The following ZNF146 variants were observed in gnomAD, a reference collection of about 807,000 sequenced individuals.
ZNF146 encodes zinc finger protein OZF.
Under a neutral mutation model 22.2 loss-of-function variants are expected in ZNF146, and 9 were observed. That is an observed-to-expected ratio of 0.41 (90% confidence interval 0.24 to 0.71). ZNF146 has a LOEUF of 0.71. Ranked by LOEUF, ZNF146 falls within the 30% of genes least tolerant of loss-of-function variation. The pLI is 0.34. For synonymous variants in ZNF146, 108 were observed against 119.2 expected (o/e 0.91, Z 0.61); for missense variants, 194 against 344.8 (o/e 0.56, Z 3.46).
intron 1 of ZNF146, 45 bp from the exon 2 acceptor site, chr19:36,218,077 T>C (rs1055856781): frequency 2.1e-5 from 3 of 143,528 alleles, no homozygotes; most frequent in Non-Finnish European, 3.0e-5. Flanking sequence ...AGTACTGGGA[T>C]TACAGGCATG....
intron 3 of ZNF146, among the ~76,000 whole-genome samples, chr19:36,234,658 A>G (rs1163895246): frequency 1.3e-5 from 2 of 152,128 alleles, no homozygotes; most frequent in East Asian, 1.9e-4. Context: ...CGGCCTCCCA[A>G]CGTGCTGGGA....
At chr19:36,232,988 T>G (rs1318701616) in intron 3 of ZNF146, among the ~76,000 whole-genome samples, 5 of 152,238 alleles carry the variant, frequency 3.3e-5, no homozygotes, top group Non-Finnish European at 7.3e-5. Flanking sequence ...TAATTAATAT[T>G]TTGCCACGCT....
At chr19:36,231,269 G>C (rs1977355674) in intron 3 of ZNF146, among the ~76,000 whole-genome samples, 1 of 152,044 alleles carries the variant, frequency 6.6e-6, no homozygotes, top group Non-Finnish European at 1.5e-5. Flanking sequence ...GAGTGCGGTG[G>C]TGCCATCGTG....
intron 2 of ZNF146, among the ~76,000 whole-genome samples, chr19:36,223,389 G>A (rs944129739): frequency 2.6e-5 from 4 of 151,706 alleles, no homozygotes; most frequent in Non-Finnish European, 4.4e-5. Context: ...TTGAGATGGA[G>A]TATCTCTCCG....
At chr19:36,231,102 C>T (rs765636324) in intron 3 of ZNF146, among the ~76,000 whole-genome samples, 11 of 152,120 alleles carry the variant, frequency 7.2e-5, no homozygotes, top group Non-Finnish European at 1.5e-4. Context: ...CACGCGTAAA[C>T]GTGACCACAA....
In ZNF146 at chr19:36,236,264, G is replaced by A. The variant is rs571442292; in HGVS notation, c.-177G>A. The A allele has an allele frequency of 1.4e-6, 1 of 730,584 alleles. No homozygotes were observed. The highest frequency in any genetic ancestry group is 2.3e-5 in the South Asian group (1 of 43,866). 45.3% of individuals were successfully genotyped at this position (730,584 alleles called of 1,614,324 possible). Reference sequence around the variant, plus strand: ...AGAGAGAAAGCATTGAATATACTGAGTATGATAACATTTCCTCTCAAACCT... The same window carrying A: ...AGAGAGAAAGCATTGAATATACTGAATATGATAACATTTCCTCTCAAACCT... On this transcript the variant is annotated 5_prime_UTR_variant, in exon 4 of 4. Coordinates refer to ENST00000443387, the MANE Select transcript of ZNF146 (RefSeq NM_007145.3).
At chr19:36,234,683 C>T (rs938057850) in intron 3 of ZNF146, among the ~76,000 whole-genome samples, 5 of 152,210 alleles carry the variant, frequency 3.3e-5, no homozygotes, top group African/African-American at 1.2e-4. Context: ...AGGCGTGAGC[C>T]ACTGCGCCCG....
chr19:36,238,295 G>T lies in ZNF146; in HGVS notation c.*976G>T, dbSNP rs1372142404. ...TCATAAAACTCAGTACTATCTATTG[G>T]TAATGGATGCATATATGTATGTACA... On this transcript the variant is annotated 3_prime_UTR_variant, in exon 4 of 4. Coordinates refer to ENST00000443387, the MANE Select transcript of ZNF146 (RefSeq NM_007145.3). 2 of 167,038 alleles carry T rather than the reference G, an allele frequency of 1.2e-5. No individual in the cohort carries two copies. The highest frequency in any genetic ancestry group is 1.3e-4 in the Admixed American group (2 of 15,266). 10.3% of individuals were successfully genotyped at this position (167,038 alleles called of 1,614,324 possible).
intron 3 of ZNF146, among the ~76,000 whole-genome samples, chr19:36,231,853 C>T (rs1321191350): frequency 6.6e-6 from 1 of 151,794 alleles, no homozygotes. Flanking sequence ...ATCTCTTGAG[C>T]CTAGGAGTTC....
intron 1 of ZNF146, among the ~76,000 whole-genome samples, chr19:36,217,423 A>G (rs1976658282): frequency 6.6e-6 from 1 of 152,074 alleles, no homozygotes; most frequent in Non-Finnish European, 1.5e-5. Context: ...AAAACAGTTC[A>G]TGCCCATCAG....
At chr19:36,216,043 G>A (rs891077076) in intron 1 of ZNF146, among the ~76,000 whole-genome samples, 1 of 151,988 alleles carries the variant, frequency 6.6e-6, no homozygotes, top group African/African-American at 2.4e-5. Context: ...AAATCACCCC[G>A]CCCCCGCTGT....
intron 2 of ZNF146, among the ~76,000 whole-genome samples, chr19:36,220,033 G>A (rs1599958672): frequency 6.6e-6 from 1 of 152,196 alleles, no homozygotes; most frequent in Admixed American, 6.5e-5. Flanking sequence ...TACCCCTTCA[G>A]GTCATTCTTG....
intron 1 of ZNF146, among the ~76,000 whole-genome samples, chr19:36,216,548 C>CTG (rs1976612938): frequency 1.3e-5 from 1 of 78,560 alleles, no homozygotes; most frequent in Non-Finnish European, 3.0e-5. Context: ...ATCTGAGCTA[C>CTG]CGCGGAGGCT....
At chr19:36,235,258 A>AT (rs1977603783) in intron 3 of ZNF146, among the ~76,000 whole-genome samples, 1 of 151,374 alleles carries the variant, frequency 6.6e-6, no homozygotes, top group Non-Finnish European at 1.5e-5. Context: ...CTTCCTTAGC[A>AT]TCCCAGGTAG....
intron 3 of ZNF146, among the ~76,000 whole-genome samples, chr19:36,234,158 G>C (rs8101489): frequency 0.64 from 96,511 of 151,914 alleles, 30,845 homozygotes; most frequent in Middle Eastern, 0.71. Flanking sequence ...TCCATTTAAC[G>C]CTGAGTTGAC....
In ZNF146 at chr19:36,236,306, T is replaced by G; in HGVS notation, c.-135T>G. On this transcript the variant is annotated 5_prime_UTR_variant, in exon 4 of 4. Transcript: ENST00000443387. Reference sequence around the variant, plus strand: ...CTCAAACCTTATCCCTTACTCTGCATTTGGGAGATCATACACAGAGAAGCC... The same window carrying G: ...CTCAAACCTTATCCCTTACTCTGCAGTTGGGAGATCATACACAGAGAAGCC... The G allele has an allele frequency of 9.6e-7, 1 of 1,038,448 alleles. No homozygotes were observed. Among genetic ancestry groups the G allele is most frequent in the Non-Finnish European group, 1.4e-6 (1 of 727,726 alleles). The allele number at this position is 1,038,448 out of a possible 1,614,324, so 64.3% of individuals were successfully genotyped here.
chr19:36,218,997 A>G (rs919383790), intron 2 of ZNF146, among the ~76,000 whole-genome samples: 14 of 150,392 alleles, frequency 9.3e-5, no homozygotes, highest in Non-Finnish European at 1.8e-4. Flanking sequence ...TTTAGTAGAG[A>G]CGGGATTTCA....
rs1977700101 is a variant in ZNF146, at chr19:36,237,802, C to A, written c.*483C>A. The A allele has an allele frequency of 6.0e-6, 1 of 167,014 alleles. No homozygotes were observed. The highest frequency in any genetic ancestry group is 6.6e-5 in the Admixed American group (1 of 15,250). 10.3% of individuals were successfully genotyped at this position (167,014 alleles called of 1,614,324 possible). On this transcript the variant is annotated 3_prime_UTR_variant, in exon 4 of 4. Coordinates refer to ENST00000443387, the MANE Select transcript of ZNF146 (RefSeq NM_007145.3). ...ATTTGGAATATGATACAAGTGGCAT[C>A]AGGAAATGAGGAAATAATGGAACTA...
intron 3 of ZNF146, among the ~76,000 whole-genome samples, chr19:36,234,313 C>G (rs988167435): frequency 8.0e-6 from 1 of 125,694 alleles, no homozygotes; most frequent in Non-Finnish European, 1.8e-5. Context: ...ACAGTCTGAT[C>G]TCTCTTTCTT....
Sources: allele counts gnomAD v4.1 joint callset (sites outside exome capture counted in the v4.1 genomes callset), GRCh38; gene constraint gnomAD v4.1.1; transcripts MANE v1.5; gene names NCBI Gene and HGNC (gene_info 2026-07-23, HGNC 2026-07-21).